DENND5A: variants seen among roughly 807,000 people sequenced by gnomAD.
DENND5A encodes DENN domain-containing protein 5A.
A neutral mutation model predicts 140.3 loss-of-function variants in DENND5A; 64 were observed. The ratio of observed to expected loss-of-function variants is 0.46; its 90% CI spans 0.37 to 0.56. The LOEUF (loss-of-function observed/expected upper bound fraction) is 0.56. Ranked by LOEUF, DENND5A falls within the 20% of genes least tolerant of loss-of-function variation. DENND5A has a pLI of 0.00. For synonymous variants in DENND5A, 605 were observed against 607.7 expected (o/e 1.00, Z 0.07); for missense variants, 1,292 against 1,593.8 (o/e 0.81, Z 3.22).
rs1564899063 is a variant in DENND5A, at chr11:9,178,979, C to T, written c.1550G>A (p.Arg517Gln). 4.3e-6 allele frequency: 7 copies of T among 1,614,098 alleles called. No individual in the cohort carries two copies. Among genetic ancestry groups the T allele is most frequent in the Non-Finnish European group, 5.9e-6 (7 of 1,180,008 alleles). ...AGTGAAACGATTTGCAAAAACTTCC[C>T]GGATCTGAATGTTTAGCTGGTAAAT... ...LRIYQLNIQI[R>Q]EVFANRFTQM... is the part of the protein sequence containing the mutation. The change falls in exon 7 of 23, where the codon CGG (arginine) becomes CAG (glutamine). Residue 517 changes from arginine to glutamine, a missense_variant. Transcript: ENST00000328194.
Position 9,207,568 on chromosome 11 carries a change from C to T in DENND5A, c.174G>A (p.Thr58=), listed in dbSNP as rs756507036. Residue 58 remains threonine, a synonymous_variant, in exon 2 of 23, where the codon ACG becomes ACA. Transcript: ENST00000328194. ...ATTTTGTTTTGTTTTTACCTTCAGT[C>T]GTACTTGAAATGAAAGGGCTGGCAC... is the stretch of plus-strand genomic sequence containing the variant. ...RDGASPFISS[T]TEGENFEQTP... is the part of the protein sequence containing the mutation. 20 of 1,612,206 alleles carry T rather than the reference C, an allele frequency of 1.2e-5. No homozygotes were observed. Among genetic ancestry groups the T allele is most frequent in the Non-Finnish European group, 1.7e-5 (20 of 1,178,616 alleles).
At chr11:9,255,884 G>C (rs1179211747) in intron 1 of DENND5A, among the ~76,000 whole-genome samples, 1 of 150,934 alleles carries the variant, frequency 6.6e-6, no homozygotes, top group Admixed American at 6.6e-5. Context: ...AAAAAATCCA[G>C]GCTTGGTAAC....
chr11:9,151,153 C>T (rs186785813), intron 13 of DENND5A, among the ~76,000 whole-genome samples: 89 of 152,294 alleles, frequency 5.8e-4, no homozygotes, highest in Non-Finnish European at 1.1e-3. Context: ...AGCAGTGCTT[C>T]CACTTGGAGC....
chr11:9,217,240 C>T (rs557625837), intron 1 of DENND5A, among the ~76,000 whole-genome samples: 77 of 152,216 alleles, frequency 5.1e-4, no homozygotes, highest in Non-Finnish European at 8.5e-4. Flanking sequence ...CCTGGCCAGG[C>T]GCGATGGCTC....
chr11:9,176,808 C>A, intron 8 of DENND5A: 1 of 446,916 alleles, frequency 2.2e-6, no homozygotes, highest in Non-Finnish European at 4.5e-6. Flanking sequence ...TGCTCATAGA[C>A]CTTCATACTG....
chr11:9,212,734 A>G (rs560238108), intron 1 of DENND5A, among the ~76,000 whole-genome samples: 5 of 152,356 alleles, frequency 3.3e-5, no homozygotes, highest in African/African-American at 1.2e-4. Context: ...TTTTCAGGCA[A>G]AACAGAGAGA....
At chr11:9,145,140 A>C (rs2136114866) in intron 17 of DENND5A, 27 bp from the exon 18 acceptor site, 1 of 1,524,620 alleles carries the variant, frequency 6.6e-7, no homozygotes, top group Admixed American at 1.7e-5. Context: ...AAGATGAGGT[A>C]GGTCAGGAAA....
chr11:9,221,023 C>T (rs1477358024), intron 1 of DENND5A, among the ~76,000 whole-genome samples: 1 of 150,316 alleles, frequency 6.7e-6, no homozygotes, highest in Non-Finnish European at 1.5e-5. Context: ...CAGAGGTTGC[C>T]GTGAGCCGAG....
chr11:9,141,576 C>T (rs1051271040), intron 22 of DENND5A, among the ~76,000 whole-genome samples: 2 of 152,110 alleles, frequency 1.3e-5, no homozygotes, highest in African/African-American at 4.8e-5. Flanking sequence ...GCCACAGCAG[C>T]CTGAAGAATA....
Position 9,170,807 on chromosome 11 carries a change from C to A in DENND5A, c.1907-30G>T, listed in dbSNP as rs772490464. The A allele has an allele frequency of 2.5e-6, 4 of 1,611,496 alleles. No homozygotes were observed. The African/African-American group carries it at 4.0e-5, about 16-fold the overall frequency. ...ATGAGAATACACACACACACACACA[C>A]ACACACACACATAAATACACACACA... is the stretch of plus-strand genomic sequence containing the variant. On this transcript the variant is annotated intron_variant, in intron 8 of 22. Coordinates refer to ENST00000328194, the MANE Select transcript of DENND5A (RefSeq NM_015213.4).
intron 8 of DENND5A, among the ~76,000 whole-genome samples, chr11:9,174,650 C>T (rs762849944): frequency 2.0e-5 from 3 of 151,294 alleles, no homozygotes; most frequent in Non-Finnish European, 2.9e-5. Context: ...CAGAAAACCA[C>T]GGCCACACCA....
chr11:9,147,754 A>G (rs1590206949), intron 15 of DENND5A, among the ~76,000 whole-genome samples: 1 of 152,078 alleles, frequency 6.6e-6, no homozygotes, highest in African/African-American at 2.4e-5. Flanking sequence ...TTCTCCCTTC[A>G]TTTTCACTGC....
intron 5 of DENND5A, among the ~76,000 whole-genome samples, chr11:9,191,270 C>T (rs912962902): frequency 1.3e-4 from 20 of 151,642 alleles, no homozygotes; most frequent in Admixed American, 1.2e-3. Context: ...AGTGCAGTGG[C>T]GCGATCCACC....
At chr11:9,221,235 A>G (rs551689606) in intron 1 of DENND5A, among the ~76,000 whole-genome samples, 1 of 151,412 alleles carries the variant, frequency 6.6e-6, no homozygotes, top group East Asian at 2.0e-4. Flanking sequence ...GTTCAAGACC[A>G]GCCTGGCCAA....
chr11:9,221,380 G>C (rs756576049), intron 1 of DENND5A, among the ~76,000 whole-genome samples: 2 of 152,058 alleles, frequency 1.3e-5, no homozygotes, highest in Non-Finnish European at 2.9e-5. Context: ...GTAGTGAGCC[G>C]AGATAGCGCC....
chr11:9,170,690 T>C lies in DENND5A; in HGVS notation c.1994A>G (p.Tyr665Cys), dbSNP rs1453212124. 4 of 1,614,036 alleles carry C rather than the reference T, an allele frequency of 2.5e-6. No individual in the cohort carries two copies. The highest frequency in any genetic ancestry group is 4.5e-5 in the East Asian group (2 of 44,866). ...CAGCTTAGGGAAGAAGCCCGGCTCA[T>C]ATTTCCCTTGTCCAATCTTCATGTC... is the stretch of plus-strand genomic sequence containing the variant. ...LLDMKIGQGK[Y>C]EPGFFPKLQS... Residue 665 changes from tyrosine to cysteine, a missense_variant, in exon 9 of 23, where the codon TAT becomes TGT. By Grantham distance (194) the Tyr-to-Cys change is radical (BLOSUM62 -2). Around this residue, in one of 4 missense-constraint regions of DENND5A, gnomAD observed 199 missense variants for 189.1 expected, o/e 1.05. Transcript: ENST00000328194.
At chr11:9,149,994 C>G (rs1216273626) in intron 15 of DENND5A, 87 bp downstream of exon 15, 3 of 1,508,838 alleles carry the variant, frequency 2.0e-6, no homozygotes, top group African/African-American at 1.4e-5. Flanking sequence ...CAATGTCACA[C>G]TGAATACTCC....
At chr11:9,142,433 C>G (rs1051792272) in intron 21 of DENND5A, among the ~76,000 whole-genome samples, 1 of 152,192 alleles carries the variant, frequency 6.6e-6, no homozygotes, top group Non-Finnish European at 1.5e-5. Context: ...CTCAACTGGA[C>G]TTTGGGATCT....
At chr11:9,237,180 G>A (rs1453439834) in intron 1 of DENND5A, among the ~76,000 whole-genome samples, 3 of 152,236 alleles carry the variant, frequency 2.0e-5, no homozygotes, top group Non-Finnish European at 2.9e-5. Context: ...ACTTTGGGAG[G>A]AAGAGATGGG....
Sources: gnomAD v4.1 joint callset for allele counts (sites outside exome capture counted in the v4.1 genomes callset) on GRCh38, gnomAD v4.1.1 for gene constraint, gnomAD v4.1.1 regional missense constraint, MANE v1.5 for transcripts, NCBI Gene and HGNC (gene_info 2026-07-23, HGNC 2026-07-21) for gene names.